Variants in CALM3 observed in about 807,000 individuals in gnomAD.
CALM3 encodes calmodulin-3.
CALM3 carries 5 observed loss-of-function variants against 20.1 expected under a neutral mutation model. That is an observed-to-expected ratio of 0.25 (90% CI 0.13 to 0.52). The LOEUF (loss-of-function observed/expected upper bound fraction) is 0.52. CALM3 is among the 20% of genes least tolerant of loss of function. CALM3 has a pLI of 0.96. For synonymous variants in CALM3, 69 were observed against 68.1 expected, an observed-to-expected ratio of 1.01 and a Z score of -0.06; for missense variants, 57 against 192.8, an observed-to-expected ratio of 0.30 and a Z score of 4.17.
In CALM3 at chr19:46,605,830, G is replaced by A. The variant is rs778455345; in HGVS notation, c.7G>A (p.Asp3Asn). 6.2e-7 allele frequency: 1 copy of A among 1,614,106 alleles called. No individual in the cohort carries two copies. The highest frequency in any genetic ancestry group is 8.5e-7 in the Non-Finnish European group (1 of 1,179,996). Reference protein sequence around the residue: MADQLTEEQIAEF... With the variant: MANQLTEEQIAEF... ...TTTCCCCTTCATGCTTTTACAGGCT[G>A]ACCAGCTGACTGAGGAGCAGATTGC... The change falls in exon 2 of 6, where the codon GAC becomes AAC. Residue 3 changes from aspartate (D) to asparagine (N), a missense_variant. Asp to Asn is a conservative substitution (Grantham distance 23). Coordinates refer to ENST00000291295, the MANE Select transcript of CALM3 (RefSeq NM_005184.4). The surrounding 1 kb of genome is among the most constrained non-coding windows in gnomAD (Gnocchi z 4.1).
upstream of CALM3, chr19:46,601,298 A>AGGC (rs948097451): frequency 5.1e-4 from 369 of 723,478 alleles, 1 homozygote; most frequent in African/African-American, 3.7e-3. This position sits in a 1 kb window ranked among gnomAD's most constrained non-coding sequence, Gnocchi z 4.2. Flanking sequence ...TTGGGGCGGG[A>AGGC]GGCGGCGGCG....
rs752615570 is a variant in CALM3 at position 46,605,891 on chromosome 19, A to G, written c.34+34A>G. 1.9e-6 allele frequency: 3 copies of G among 1,610,454 alleles called. No homozygotes were observed. The highest frequency in any genetic ancestry group is 1.7e-6 in the Non-Finnish European group (2 of 1,176,716). Reference sequence around the variant, plus strand: ...GCTATCCCCCTCATCTTAGCTCAGGAAAGCCTCCACATCCCCAGCCAAATC... The same window carrying G: ...GCTATCCCCCTCATCTTAGCTCAGGGAAGCCTCCACATCCCCAGCCAAATC... On this transcript the variant is annotated intron_variant, in intron 2 of 5. Transcript: ENST00000291295. This position sits in a 1 kb window ranked among gnomAD's most constrained non-coding sequence, Gnocchi z 4.1.
Position 46,605,827 on chromosome 19 carries a change from G to T in CALM3, c.4G>T (p.Ala2Ser). 1 of 1,614,100 alleles carries T rather than the reference G, an allele frequency of 6.2e-7. No individual in the cohort carries two copies. The highest frequency in any genetic ancestry group is 1.1e-5 in the South Asian group (1 of 91,084). The change falls in exon 2 of 6, where the codon GCT (alanine) becomes TCT (serine). Residue 2 changes from alanine to serine, a missense_variant and splice_region_variant. Physicochemically the swap from Ala to Ser is moderately conservative, Grantham distance 99. Transcript: ENST00000291295. This position sits in a 1 kb window ranked among gnomAD's most constrained non-coding sequence, Gnocchi z 4.1. M[A>S]DQLTEEQIAE... Reference sequence around the variant, plus strand: ...GACTTTCCCCTTCATGCTTTTACAGGCTGACCAGCTGACTGAGGAGCAGAT... The same window carrying T: ...GACTTTCCCCTTCATGCTTTTACAGTCTGACCAGCTGACTGAGGAGCAGAT...
At chr19:46,601,231 G>C, upstream of CALM3, 1 of 281,146 alleles carries the variant, frequency 3.6e-6, no homozygotes, top group Non-Finnish European at 5.7e-6. The surrounding 1 kb of genome is among the most constrained non-coding windows in gnomAD (Gnocchi z 4.2). Context: ...CGGCGCGCGG[G>C]CCGGGTGGGG....
At chr19:46,602,063 G>T in intron 1 of CALM3, 1 of 1,296,708 alleles carries the variant, frequency 7.7e-7, no homozygotes, top group South Asian at 1.2e-5. Flanking sequence ...GTGGTCTCCA[G>T]AGCCCAGCAC....
At chr19:46,606,667 G>A (rs759306965) in intron 2 of CALM3, among the ~76,000 whole-genome samples, 10 of 152,156 alleles carry the variant, frequency 6.6e-5, no homozygotes, top group Non-Finnish European at 1.0e-4. Flanking sequence ...CAGCAAGCTA[G>A]AAGAAATCCC....
chr19:46,603,490 G>T (rs1433599708), intron 1 of CALM3, among the ~76,000 whole-genome samples: 3 of 152,200 alleles, frequency 2.0e-5, no homozygotes, highest in Admixed American at 6.5e-5. Context: ...TTGGCTGGGG[G>T]CTGGGGCAAG....
chr19:46,603,890 G>A (rs1481977491), intron 1 of CALM3, among the ~76,000 whole-genome samples: 1 of 152,168 alleles, frequency 6.6e-6, no homozygotes, highest in East Asian at 1.9e-4. Flanking sequence ...TTTTGGTGGA[G>A]ACTGGCAAAC....
rs1971622964 is a variant in CALM3, at chr19:46,601,786, A to T, written c.3+349A>T. 6.6e-6 allele frequency among the ~76,000 whole-genome samples: 1 copy of T among 151,920 alleles called. No homozygotes were observed. The highest frequency in any genetic ancestry group is 1.5e-5 in the Non-Finnish European group (1 of 67,958). ...GATGGGGCGTTGGGTTTCAGGATGG[A>T]GGTGTTTGGACCCCAGGGGACGAAA... On this transcript the variant is annotated intron_variant, in intron 1 of 5. Transcript: ENST00000291295. This position sits in a 1 kb window ranked among gnomAD's most constrained non-coding sequence, Gnocchi z 4.2.
chr19:46,604,113 C>T (rs554060204), intron 1 of CALM3, among the ~76,000 whole-genome samples: 2 of 152,288 alleles, frequency 1.3e-5, no homozygotes, highest in Non-Finnish European at 2.9e-5. Flanking sequence ...CACCTCCCCA[C>T]ACTGCTGCCC....
rs1971785076 is a variant in CALM3 at position 46,608,204 on chromosome 19, G to A, written c.42G>A (p.Lys14=). Residue 14 remains lysine, a synonymous_variant, in exon 3 of 6, where the codon AAG becomes AAA. Coordinates refer to ENST00000291295, the MANE Select transcript of CALM3 (RefSeq NM_005184.4). The surrounding 1 kb of genome is among the most constrained non-coding windows in gnomAD (Gnocchi z 5.5). ...QLTEEQIAEF[K]EAFSLFDKDG... ...TCCCCCTTCTTCCCCCAGAGTTCAAGGAGGCCTTCTCCCTCTTTGACAAGG... is the reference window on the plus strand; with the variant it reads ...TCCCCCTTCTTCCCCCAGAGTTCAAAGAGGCCTTCTCCCTCTTTGACAAGG... The A allele has an allele frequency of 6.2e-7, 1 of 1,613,506 alleles. No individual in the cohort carries two copies. The highest frequency in any genetic ancestry group is 1.3e-5 in the African/African-American group (1 of 74,916).
At chr19:46,604,836 A>G (rs1457456590) in intron 1 of CALM3, among the ~76,000 whole-genome samples, 1 of 152,096 alleles carries the variant, frequency 6.6e-6, no homozygotes, top group Non-Finnish European at 1.5e-5. Context: ...AAACCAGGGA[A>G]AATGTGTCTT....
Position 46,608,577 on chromosome 19 carries a change from G to C in CALM3, c.274G>C (p.Val92Leu). 6.2e-7 allele frequency: 1 copy of C among 1,613,360 alleles called. No homozygotes were observed. Among genetic ancestry groups the C allele is most frequent in the Non-Finnish European group, 8.5e-7 (1 of 1,179,268 alleles). The part of the protein sequence containing the change: ...SEEEIREAFR[V>L]FDKDGNGYIS... ...GGAGGAGATCCGAGAGGCGTTCCGT[G>C]TCTTTGACAAGGTAAGCAGCCCTCT... Residue 92 changes from valine (V) to leucine (L), a missense_variant, in exon 4 of 6, where the codon GTC becomes CTC. Coordinates refer to ENST00000291295, the MANE Select transcript of CALM3 (RefSeq NM_005184.4). The surrounding 1 kb of genome is among the most constrained non-coding windows in gnomAD (Gnocchi z 5.5).
intron 1 of CALM3, among the ~76,000 whole-genome samples, chr19:46,602,404 C>G (rs1411697676): frequency 7.2e-6 from 1 of 138,192 alleles, no homozygotes. Context: ...TGGGGGAGGA[C>G]TTGGGCTTGG....
Position 46,605,963 on chromosome 19 carries a change from T to C in CALM3, c.34+106T>C. 1 of 982,290 alleles carries C rather than the reference T, an allele frequency of 1.0e-6. No homozygotes were observed. Among genetic ancestry groups the C allele is most frequent in the East Asian group, 2.4e-5 (1 of 41,692 alleles). The allele number at this position is 982,290 out of a possible 1,614,324, so 60.8% of individuals were successfully genotyped here. ...CTGATGGGTGAACCTGTGTATCCCT[T>C]GTGTCACCTAACACTATGCCTTGTG... On this transcript the variant is annotated intron_variant, in intron 2 of 5. Transcript: ENST00000291295. This position sits in a 1 kb window ranked among gnomAD's most constrained non-coding sequence, Gnocchi z 4.1.
At chr19:46,604,829 C>A (rs1366857197) in intron 1 of CALM3, among the ~76,000 whole-genome samples, 1 of 152,066 alleles carries the variant, frequency 6.6e-6, no homozygotes, top group Non-Finnish European at 1.5e-5. Context: ...TCAACAAAAA[C>A]CAGGGAAAAT....
Position 46,608,416 on chromosome 19 carries a change from A to G in CALM3, c.179-66A>G, listed in dbSNP as rs1188201221. 6.2e-7 allele frequency: 1 copy of G among 1,609,472 alleles called. No individual in the cohort carries two copies. Among genetic ancestry groups the G allele is most frequent in the Admixed American group, 1.7e-5 (1 of 59,972 alleles). ...ACTGCAGGGAGCCTCTCTCAGGGTG[A>G]TGGATGAGCCCGTGTCTCTCAGGGC... On this transcript the variant is annotated intron_variant, in intron 3 of 5. Coordinates refer to ENST00000291295, the MANE Select transcript of CALM3 (RefSeq NM_005184.4). This position sits in a 1 kb window ranked among gnomAD's most constrained non-coding sequence, Gnocchi z 5.5.
At chr19:46,601,295 G>T (rs1212370998), upstream of CALM3, 1 of 708,542 alleles carries the variant, frequency 1.4e-6, no homozygotes, top group South Asian at 3.6e-5. The surrounding 1 kb of genome is among the most constrained non-coding windows in gnomAD (Gnocchi z 4.2). Flanking sequence ...CCGTTGGGGC[G>T]GGAGGCGGCG....
intron 1 of CALM3, among the ~76,000 whole-genome samples, chr19:46,604,360 A>G (rs1320218619): frequency 6.6e-6 from 1 of 151,980 alleles, no homozygotes; most frequent in Non-Finnish European, 1.5e-5. Flanking sequence ...TTTGAAGGCA[A>G]TGCAGAAGAA....
Sources: gnomAD v4.1 joint callset for allele counts (sites outside exome capture counted in the v4.1 genomes callset) on GRCh38, gnomAD v4.1.1 for gene constraint, Gnocchi (gnomAD v3.1) non-coding constraint, MANE v1.5 for transcripts, NCBI Gene and HGNC (gene_info 2026-07-23, HGNC 2026-07-21) for gene names.